The following WDR49 variants were observed in gnomAD, a reference collection of about 807,000 sequenced individuals.
WDR49 encodes cilia- and flagella-associated protein 337.
In WDR49, 107 loss-of-function variants were observed where a neutral mutation model predicts 119.5. The ratio of observed to expected loss-of-function variants is 0.90; its 90% CI spans 0.77 to 1.05. The LOEUF (loss-of-function observed/expected upper bound fraction) is 1.05. Among genes scored for constraint, WDR49 ranks in the 50% least tolerant of loss-of-function variants. The pLI is 0.00. For synonymous variants in WDR49, 425 were observed against 418.8 expected, an observed-to-expected ratio of 1.01 and a Z score of -0.18; for missense variants, 1,240 against 1,220.5, an observed-to-expected ratio of 1.02 and a Z score of -0.24.
intron 7 of WDR49, among the ~76,000 whole-genome samples, chr3:167,592,681 C>T (rs1040832459): frequency 9.2e-5 from 14 of 152,110 alleles, no homozygotes; most frequent in East Asian, 3.9e-4. Context: ...GATCCTCCCA[C>T]GTCAGTCTCC....
chr3:167,518,095 G>C (rs2108227748), intron 16 of WDR49, among the ~76,000 whole-genome samples: 1 of 152,070 alleles, frequency 6.6e-6, no homozygotes, highest in Admixed American at 6.5e-5. Context: ...AGTATTCCAT[G>C]GTGTATATGT....
At chr3:167,607,843 T>C (rs1258364108) in intron 5 of WDR49, among the ~76,000 whole-genome samples, 1 of 152,160 alleles carries the variant, frequency 6.6e-6, no homozygotes, top group Admixed American at 6.5e-5. Flanking sequence ...ACAGTATTTC[T>C]ATGTCTTCCT....
rs374030560 is a variant in WDR49, at chr3:167,532,860, G to A, written c.2053+19C>T. ...TGATTTGACTAGCCATGTTATTTTC[G>A]TTTCAAACTCACACTTACCTAATTT... On this transcript the variant is annotated intron_variant, in intron 12 of 18. Transcript: ENST00000682715. 3.4e-5 allele frequency: 54 copies of A among 1,588,396 alleles called. No individual in the cohort carries two copies. The highest frequency in any genetic ancestry group is 1.9e-4 in the Admixed American group (11 of 58,938).
intron 10 of WDR49, among the ~76,000 whole-genome samples, chr3:167,552,675 C>A (rs1313097386): frequency 6.6e-6 from 1 of 151,578 alleles, no homozygotes; most frequent in East Asian, 1.9e-4. Context: ...AGAGATAAGA[C>A]CTGAAGACAG....
intron 8 of WDR49, among the ~76,000 whole-genome samples, chr3:167,568,944 A>ATT (rs35071885): frequency 7.8e-4 from 114 of 145,490 alleles, no homozygotes; most frequent in South Asian, 5.3e-3. Flanking sequence ...ACTACAGTTA[A>ATT]TTTTTTTTTT....
upstream of WDR49, among the ~76,000 whole-genome samples, chr3:167,655,092 C>A (rs1379453121): frequency 6.6e-6 from 1 of 152,074 alleles, no homozygotes; most frequent in Non-Finnish European, 1.5e-5. Context: ...TTTCACATGG[C>A]TGGGGAGGCC....
chr3:167,622,424 A>G (rs1162315017), intron 3 of WDR49, among the ~76,000 whole-genome samples: 1 of 152,104 alleles, frequency 6.6e-6, no homozygotes, highest in African/African-American at 2.4e-5. Context: ...CTGATTAAAT[A>G]GAGAATTTTA....
chr3:167,497,732 CT>C (rs1751409347), intron 18 of WDR49, among the ~76,000 whole-genome samples: 1 of 152,132 alleles, frequency 6.6e-6, no homozygotes, highest in Non-Finnish European at 1.5e-5. Context: ...CATTTTCTGT[CT>C]TGGTTTCCTC....
rs1715636737 is a variant in WDR49, at chr3:167,599,087, G to C, written c.1275+3040C>G. Among the ~76,000 whole-genome samples, 3 of 152,204 alleles carry C rather than the reference G, an allele frequency of 2.0e-5. No individual in the cohort carries two copies. The South Asian group carries it at 6.2e-4, about 32-fold the overall frequency. On this transcript the variant is annotated intron_variant, in intron 7 of 18. Transcript: ENST00000682715. ...AAAAGCCTGCTGTAACCATTACCTG[G>C]CTACCACCTATGTTTTCCCACGGCT...
chr3:167,630,032 C>A (rs1023899319), intron 2 of WDR49, among the ~76,000 whole-genome samples: 2 of 152,058 alleles, frequency 1.3e-5, no homozygotes, highest in African/African-American at 4.8e-5. Context: ...AAAGCAGTGG[C>A]AAGTTTTGAG....
At chr3:167,652,831 AT>A (rs937861059) in intron 2 of WDR49, among the ~76,000 whole-genome samples, 2 of 152,040 alleles carry the variant, frequency 1.3e-5, no homozygotes, top group Non-Finnish European at 2.9e-5. Context: ...ACAGGAGGAA[AT>A]TTTTTGCAAA....
At chr3:167,647,013 T>A (rs547460348) in intron 2 of WDR49, among the ~76,000 whole-genome samples, 7 of 152,292 alleles carry the variant, frequency 4.6e-5, no homozygotes, top group African/African-American at 1.4e-4. Flanking sequence ...TCTTGTGTCA[T>A]CATTAATACG....
intron 16 of WDR49, among the ~76,000 whole-genome samples, chr3:167,512,686 AC>A (rs899537206): frequency 6.6e-6 from 1 of 152,238 alleles, no homozygotes; most frequent in Non-Finnish European, 1.5e-5. Flanking sequence ...ATGTTCTAAC[AC>A]AATGCAAAGA....
chr3:167,639,007 T>C (rs1717751317), intron 2 of WDR49, among the ~76,000 whole-genome samples: 1 of 151,682 alleles, frequency 6.6e-6, no homozygotes, highest in South Asian at 2.1e-4. Flanking sequence ...AGAAATATAA[T>C]TGTTCTTATT....
intron 2 of WDR49, among the ~76,000 whole-genome samples, chr3:167,647,157 G>A (rs1718165850): frequency 6.6e-6 from 1 of 152,052 alleles, no homozygotes; most frequent in South Asian, 2.1e-4. Flanking sequence ...CACAAGTCTG[G>A]CTAAGCTGAT....
At chr3:167,611,613 T>G (rs1716341180) in intron 5 of WDR49, among the ~76,000 whole-genome samples, 1 of 151,890 alleles carries the variant, frequency 6.6e-6, no homozygotes. Flanking sequence ...ACATATAGAC[T>G]GAAACACAGA....
At chr3:167,560,011 A>G in intron 9 of WDR49, 53 bp downstream of exon 9, 2 of 1,581,130 alleles carry the variant, frequency 1.3e-6, no homozygotes. Context: ...GTCTTCTGGC[A>G]TAGTATTTTA....
intron 5 of WDR49, among the ~76,000 whole-genome samples, chr3:167,609,665 G>C (rs1330857073): frequency 6.6e-6 from 1 of 152,156 alleles, no homozygotes; most frequent in Non-Finnish European, 1.5e-5. Flanking sequence ...ACTAGGCCCA[G>C]AGACAATGGA....
At chr3:167,572,754 C>A (rs1714008636) in intron 8 of WDR49, among the ~76,000 whole-genome samples, 1 of 152,080 alleles carries the variant, frequency 6.6e-6, no homozygotes, top group African/African-American at 2.4e-5. Flanking sequence ...AAAATGCGAC[C>A]AATGCTCAGG....
Sources: gnomAD v4.1 joint callset for allele counts (sites outside exome capture counted in the v4.1 genomes callset) on GRCh38, gnomAD v4.1.1 for gene constraint, MANE v1.5 for transcripts, NCBI Gene and HGNC (gene_info 2026-07-23, HGNC 2026-07-21) for gene names.